The following MAP3K15 variants were observed in gnomAD, a reference collection of about 807,000 sequenced individuals.
The protein encoded by MAP3K15 is MAPK/ERK kinase kinase 15.
MAP3K15 carries 124 observed loss-of-function variants against 99.5 expected under a neutral mutation model. That is an observed-to-expected ratio of 1.25 (90% CI 1.08 to 1.45). MAP3K15 has a LOEUF of 1.45. Ranked by LOEUF, MAP3K15 falls within the 40% of genes most tolerant of loss-of-function variation. MAP3K15 has a pLI of 0.00. For synonymous variants in MAP3K15, 494 were observed against 439.6 expected (o/e 1.12, Z -1.55); for missense variants, 1,242 against 1,079.7 (o/e 1.15, Z -2.11).
chrX:19,371,141 G>T, intron 23 of MAP3K15, 77 bp from the exon 24 acceptor site: 2 of 864,105 alleles, frequency 2.3e-6, no homozygotes, highest in Non-Finnish European at 3.2e-6. Context: ...GGAGAATCAC[G>T]GCAACCTACA....
At chrX:19,499,784 G>T (rs1880849377) in intron 1 of MAP3K15, among the ~76,000 whole-genome samples, 1 of 111,692 alleles carries the variant, frequency 9.0e-6, no homozygotes, top group Non-Finnish European at 1.9e-5. Context: ...CCTTATAGGG[G>T]TAAAGGTAGG....
intron 12 of MAP3K15, among the ~76,000 whole-genome samples, chrX:19,408,171 G>A (rs1027238883): frequency 3.6e-5 from 4 of 111,343 alleles, no homozygotes; most frequent in South Asian, 3.8e-4. Context: ...CCTCTGGAAC[G>A]CTCAAAGTAT....
intron 6 of MAP3K15, among the ~76,000 whole-genome samples, chrX:19,446,878 T>C (rs188326697): frequency 2.7e-5 from 3 of 111,366 alleles, no homozygotes; most frequent in East Asian, 5.6e-4. Flanking sequence ...TATTTATTTA[T>C]ATATTTTAAA....
intron 6 of MAP3K15, among the ~76,000 whole-genome samples, chrX:19,447,878 C>T (rs1218168362): frequency 9.8e-5 from 1 of 10,215 alleles, no homozygotes; most frequent in Non-Finnish European, 3.8e-4. Flanking sequence ...AGCGAGACTC[C>T]GTCTCAAAAA....
At chrX:19,368,420 C>T (rs1366671233) in intron 25 of MAP3K15, among the ~76,000 whole-genome samples, 1 of 113,063 alleles carries the variant, frequency 8.8e-6, no homozygotes, top group African/African-American at 3.2e-5. Flanking sequence ...GGATTACAGG[C>T]GTGAGCCACC....
chrX:19,447,882 T>C (rs2064011177), intron 6 of MAP3K15, among the ~76,000 whole-genome samples: 1 of 4,807 alleles, frequency 2.1e-4, no homozygotes, highest in Admixed American at 4.7e-3. Context: ...AGACTCCGTC[T>C]CAAAAAAAAA....
chrX:19,512,238 G>A (rs1015172649), intron 1 of MAP3K15, among the ~76,000 whole-genome samples: 1 of 111,189 alleles, frequency 9.0e-6, no homozygotes, highest in Non-Finnish European at 1.9e-5. Context: ...CTAGATGACA[G>A]GTTGATTGGT....
intron 2 of MAP3K15, among the ~76,000 whole-genome samples, chrX:19,486,964 C>G (rs2064331000): frequency 9.0e-6 from 1 of 111,085 alleles, no homozygotes; most frequent in Non-Finnish European, 1.9e-5. Context: ...GGCCACACCA[C>G]AGTCAGCCTT....
chrX:19,442,726 TA>T (rs1158223822), intron 6 of MAP3K15, among the ~76,000 whole-genome samples: 127 of 102,616 alleles, frequency 1.2e-3, no homozygotes, highest in African/African-American at 4.1e-3. Context: ...TCATTATTAT[TA>T]TTATTATTAT....
chrX:19,433,970 G>A (rs765748159), intron 6 of MAP3K15, among the ~76,000 whole-genome samples: 5 of 111,319 alleles, frequency 4.5e-5, no homozygotes, highest in African/African-American at 6.5e-5. Flanking sequence ...ACAGATCCAC[G>A]TGTAATTACC....
At chrX:19,398,916 T>C (rs1040052127) in intron 14 of MAP3K15, among the ~76,000 whole-genome samples, 2 of 111,908 alleles carry the variant, frequency 1.8e-5, no homozygotes, top group African/African-American at 6.5e-5. Context: ...CATCTTCCCA[T>C]CAAAAGCTGT....
chrX:19,406,835 G>A (rs2063651714), intron 13 of MAP3K15, among the ~76,000 whole-genome samples: 1 of 112,219 alleles, frequency 8.9e-6, no homozygotes, highest in Non-Finnish European at 1.9e-5. Context: ...TCAAGTAGCT[G>A]GGATTACAGG....
chrX:19,503,577 C>CA (rs1233510346), intron 1 of MAP3K15, among the ~76,000 whole-genome samples: 2 of 110,990 alleles, frequency 1.8e-5, no homozygotes, highest in Non-Finnish European at 3.8e-5. Flanking sequence ...AGGCATGGGC[C>CA]ACCATGCCTG....
chrX:19,447,883 CAA>C (rs753152404), intron 6 of MAP3K15, among the ~76,000 whole-genome samples: 36 of 25,963 alleles, frequency 1.4e-3, no homozygotes, highest in African/African-American at 3.4e-3. Context: ...GACTCCGTCT[CAA>C]AAAAAAAAAA....
At chrX:19,394,354 T>G (rs5955553) in intron 16 of MAP3K15, among the ~76,000 whole-genome samples, 13,291 of 109,992 alleles carry the variant, frequency 0.12, 1,443 homozygotes, top group African/African-American at 0.35. Context: ...TTACTCCAAT[T>G]TTACAGTTCA....
At chrX:19,403,085 C>A (rs2063620445) in intron 13 of MAP3K15, among the ~76,000 whole-genome samples, 1 of 111,591 alleles carries the variant, frequency 9.0e-6, no homozygotes, top group African/African-American at 3.3e-5. Flanking sequence ...AAACAGTTAT[C>A]ACTGGAGGGA....
chrX:19,416,087 T>A (rs760989384), intron 9 of MAP3K15, among the ~76,000 whole-genome samples: 1 of 111,565 alleles, frequency 9.0e-6, no homozygotes, highest in Admixed American at 9.5e-5. Flanking sequence ...TCCCAGCACT[T>A]TGGGAGGCCT....
intron 1 of MAP3K15, among the ~76,000 whole-genome samples, chrX:19,514,440 CT>C: frequency 1.1e-5 from 1 of 89,990 alleles, no homozygotes; most frequent in Non-Finnish European, 2.2e-5. Flanking sequence ...TGCCCGTGGC[CT>C]CTATTTTCTT....
At chrX:19,458,002 C>T (rs2064106238) in intron 5 of MAP3K15, among the ~76,000 whole-genome samples, 2 of 112,088 alleles carry the variant, frequency 1.8e-5, no homozygotes, top group South Asian at 3.7e-4. Context: ...AGAAAAATTG[C>T]GACCATGCTT....
Sources: allele counts gnomAD v4.1 joint callset (sites outside exome capture counted in the v4.1 genomes callset), GRCh38; gene constraint gnomAD v4.1.1; transcripts MANE v1.5; gene names NCBI Gene and HGNC (gene_info 2026-07-23, HGNC 2026-07-21).